CREB5: variants seen among roughly 807,000 people sequenced by gnomAD.
CREB5 encodes cyclic AMP-responsive element-binding protein 5.
CREB5 carries 19 observed loss-of-function variants against 57.1 expected under a neutral mutation model. That is an observed-to-expected ratio of 0.33 (90% CI 0.23 to 0.49). The LOEUF (loss-of-function observed/expected upper bound fraction) is 0.49, where lower values mean the gene tolerates loss of function less well. CREB5 is among the 20% of genes least tolerant of loss of function. The pLI, the probability that CREB5 is intolerant of heterozygous loss-of-function variation, is 0.99. For missense variants in CREB5, 579 were observed against 671.6 expected (o/e 0.86, Z 1.52); for synonymous variants, 238 against 238.3 (o/e 1.00, Z 0.01).
chr7:28,474,705 A>C (rs1229827567), intron 1 of CREB5, among the ~76,000 whole-genome samples: 1 of 152,192 alleles, frequency 6.6e-6, no homozygotes, highest in Non-Finnish European at 1.5e-5. Flanking sequence ...CACTTCGAGA[A>C]GACCAGAAAT....
At chr7:28,669,288 T>C (rs985652195) in intron 5 of CREB5, among the ~76,000 whole-genome samples, 1 of 152,232 alleles carries the variant, frequency 6.6e-6, no homozygotes, top group Admixed American at 6.5e-5. Context: ...ATATAGGATG[T>C]GACCAAATAA....
intron 8 of CREB5, among the ~76,000 whole-genome samples, chr7:28,806,509 A>C (rs1808740659): frequency 6.6e-6 from 1 of 152,214 alleles, no homozygotes; most frequent in Non-Finnish European, 1.5e-5. Context: ...ATTATAATTT[A>C]TTACTTTTGA....
chr7:28,575,559 T>C (rs973189419), intron 5 of CREB5, among the ~76,000 whole-genome samples: 8 of 152,216 alleles, frequency 5.3e-5, no homozygotes, highest in South Asian at 4.1e-4. Flanking sequence ...CTGGGGATAT[T>C]CAGGCCAGCC....
intron 1 of CREB5, among the ~76,000 whole-genome samples, chr7:28,380,762 T>C (rs1786951554): frequency 6.6e-6 from 1 of 152,184 alleles, no homozygotes; most frequent in African/African-American, 2.4e-5. Context: ...TCTGGCAGTG[T>C]GAACTTCAAT....
At chr7:28,554,792 A>T (rs2128635727) in intron 4 of CREB5, among the ~76,000 whole-genome samples, 1 of 152,324 alleles carries the variant, frequency 6.6e-6, no homozygotes, top group Admixed American at 6.5e-5. Context: ...TATTTGGCTA[A>T]GTGTGCCACA....
At chr7:28,559,557 C>T (rs1004332993) in intron 4 of CREB5, among the ~76,000 whole-genome samples, 12 of 148,158 alleles carry the variant, frequency 8.1e-5, no homozygotes, top group Non-Finnish European at 1.7e-4. Context: ...TCAGGCAATC[C>T]GCCCGCCTCA....
chr7:28,474,118 G>C (rs1417315001), intron 1 of CREB5, among the ~76,000 whole-genome samples: 1 of 152,186 alleles, frequency 6.6e-6, no homozygotes, highest in Non-Finnish European at 1.5e-5. Flanking sequence ...GGCAGCTGGG[G>C]AATGAGGCTC....
intron 4 of CREB5, among the ~76,000 whole-genome samples, chr7:28,528,382 A>ATTG (rs1793539650): frequency 6.6e-6 from 1 of 152,236 alleles, no homozygotes; most frequent in Non-Finnish European, 1.5e-5. Flanking sequence ...AATTATGTGA[A>ATTG]AGCAGTTTGT....
intron 5 of CREB5, among the ~76,000 whole-genome samples, chr7:28,611,489 TAAAAAAAAA>T (rs59192497): frequency 1.3e-4 from 6 of 47,982 alleles, no homozygotes; most frequent in Non-Finnish European, 1.8e-4. Flanking sequence ...CCATCTCTAC[TAAAAAAAAA>T]AAAAAAAAAA....
chr7:28,544,602 T>C (rs1310437098), intron 4 of CREB5, among the ~76,000 whole-genome samples: 4 of 152,224 alleles, frequency 2.6e-5, no homozygotes, highest in Admixed American at 6.5e-5. Flanking sequence ...ACATATTTTC[T>C]TAGAAAAACA....
chr7:28,809,447 A>G, intron 9 of CREB5, 33 bp downstream of exon 9: 2 of 1,557,096 alleles, frequency 1.3e-6, no homozygotes, highest in Non-Finnish European at 1.7e-6. Context: ...CCGCGACTCA[A>G]AGGCCCTCTG....
intron 1 of CREB5, among the ~76,000 whole-genome samples, chr7:28,467,456 T>C (rs1790638068): frequency 6.6e-6 from 1 of 152,188 alleles, no homozygotes; most frequent in Non-Finnish European, 1.5e-5. Context: ...CAGGTTTCAT[T>C]CCAATAAGTC....
intron 1 of CREB5, among the ~76,000 whole-genome samples, chr7:28,432,844 G>A (rs1788780853): frequency 6.6e-6 from 1 of 152,142 alleles, no homozygotes; most frequent in Admixed American, 6.5e-5. Flanking sequence ...TCTAACCAAA[G>A]ATGATCACAT....
chr7:28,733,888 G>A (rs1305014418), intron 7 of CREB5, among the ~76,000 whole-genome samples: 2 of 152,210 alleles, frequency 1.3e-5, no homozygotes, highest in Non-Finnish European at 2.9e-5. Context: ...TACTTTTTAA[G>A]TTCCAGGGAG....
chr7:28,415,629 TG>T (rs1787995759), intron 1 of CREB5, among the ~76,000 whole-genome samples: 1 of 152,160 alleles, frequency 6.6e-6, no homozygotes, highest in South Asian at 2.1e-4. Context: ...TTTTCATCAT[TG>T]TTATGAGACA....
chr7:28,316,623 C>G (rs1285197507), intron 1 of CREB5, among the ~76,000 whole-genome samples: 3 of 151,604 alleles, frequency 2.0e-5, no homozygotes, highest in Non-Finnish European at 2.9e-5. Context: ...GCAACAAGGC[C>G]CAGGAAGTCC....
intron 7 of CREB5, among the ~76,000 whole-genome samples, chr7:28,784,630 C>T (rs967127969): frequency 5.9e-5 from 9 of 151,972 alleles, no homozygotes; most frequent in Non-Finnish European, 8.8e-5. Context: ...AGAAATTTCG[C>T]GCCAGTGTGT....
At chr7:28,797,534 C>T (rs1808118256) in intron 7 of CREB5, among the ~76,000 whole-genome samples, 1 of 152,160 alleles carries the variant, frequency 6.6e-6, no homozygotes, top group Non-Finnish European at 1.5e-5. Flanking sequence ...TATTAGCAAA[C>T]CAAAATCTAA....
chr7:28,718,639 C>T (rs1802839948), intron 5 of CREB5, 114 bp from the exon 6 acceptor site: 5 of 1,381,368 alleles, frequency 3.6e-6, no homozygotes, highest in Non-Finnish European at 4.9e-6. Context: ...ACTCTCCCAT[C>T]AGTGGATCTG....
Sources: allele counts gnomAD v4.1 joint callset (sites outside exome capture counted in the v4.1 genomes callset), GRCh38; gene constraint gnomAD v4.1.1; transcripts MANE v1.5; gene names NCBI Gene and HGNC (gene_info 2026-07-23, HGNC 2026-07-21).